The following METTL15 variants were observed in gnomAD, a reference collection of about 807,000 sequenced individuals.
METTL15 encodes 12S rRNA N(4)-cytidine methyltransferase METTL15.
METTL15 carries 34 observed loss-of-function variants against 38.3 expected under a neutral mutation model. The observed-to-expected ratio is 0.89, with a 90% CI of 0.68 to 1.18. METTL15 has a LOEUF of 1.18. METTL15 is among the 50% of genes most tolerant of loss of function. METTL15 has a pLI of 0.00. For synonymous variants in METTL15, 162 were observed against 170.9 expected, an observed-to-expected ratio of 0.95 and a Z score of 0.41; for missense variants, 438 against 498.4, an observed-to-expected ratio of 0.88 and a Z score of 1.15.
intron 5 of METTL15, among the ~76,000 whole-genome samples, chr11:28,382,518 G>T (rs577970578): frequency 9.2e-5 from 14 of 152,222 alleles, no homozygotes; most frequent in African/African-American, 3.4e-4. Context: ...CCAGCAGATT[G>T]AGGGGAGGGG....
intron 6 of METTL15, among the ~76,000 whole-genome samples, chr11:28,430,662 C>G (rs1275387394): frequency 2.8e-4 from 26 of 93,322 alleles, no homozygotes; most frequent in Admixed American, 5.7e-4. Context: ...CTCTGCCCGG[C>G]CACCCCTACT....
chr11:28,386,017 G>C (rs944798099), intron 5 of METTL15, among the ~76,000 whole-genome samples: 20 of 152,052 alleles, frequency 1.3e-4, no homozygotes, highest in Non-Finnish European at 2.5e-4. Context: ...TTTTGTATCT[G>C]ATTGAAGTTG....
intron 3 of METTL15, among the ~76,000 whole-genome samples, chr11:28,151,034 A>T (rs886180746): frequency 4.0e-5 from 6 of 151,344 alleles, no homozygotes; most frequent in Non-Finnish European, 7.4e-5. Flanking sequence ...AAGAAAAGGA[A>T]AAAAAGGTAA....
intron 6 of METTL15, among the ~76,000 whole-genome samples, chr11:28,491,685 A>G (rs921686608): frequency 5.3e-5 from 8 of 152,170 alleles, no homozygotes; most frequent in Admixed American, 2.0e-4. Flanking sequence ...AGTGAGACAT[A>G]GCCAGAAAAC....
At chr11:28,205,106 T>TAA (rs1852269985) in intron 3 of METTL15, among the ~76,000 whole-genome samples, 2 of 151,876 alleles carry the variant, frequency 1.3e-5, no homozygotes, top group Middle Eastern at 3.2e-3. Flanking sequence ...TATTTTTATT[T>TAA]AATTTTTATT....
intron 6 of METTL15, among the ~76,000 whole-genome samples, chr11:28,466,256 C>T (rs949144852): frequency 6.6e-6 from 1 of 152,064 alleles, no homozygotes; most frequent in Non-Finnish European, 1.5e-5. Flanking sequence ...GATAGATTGA[C>T]GAACGGCCAA....
At chr11:28,225,494 C>T (rs1282663600) in intron 4 of METTL15, among the ~76,000 whole-genome samples, 2 of 151,178 alleles carry the variant, frequency 1.3e-5, no homozygotes, top group Non-Finnish European at 3.0e-5. Context: ...AGATATCACT[C>T]ATTTTCTTCT....
chr11:28,143,544 TTGCTC>T (rs1172311435), intron 3 of METTL15, among the ~76,000 whole-genome samples: 1 of 152,168 alleles, frequency 6.6e-6, no homozygotes, highest in African/African-American at 2.4e-5. Context: ...CTTTTGTACT[TTGCTC>T]TGTACTATTT....
intron 6 of METTL15, among the ~76,000 whole-genome samples, chr11:28,480,019 A>T (rs532778625): frequency 1.3e-5 from 2 of 152,322 alleles, no homozygotes; most frequent in Middle Eastern, 3.4e-3. Flanking sequence ...TTAACTATTA[A>T]GATGAAAGTG....
At chr11:28,325,473 C>T (rs1292961749) in intron 6 of METTL15, among the ~76,000 whole-genome samples, 1 of 152,182 alleles carries the variant, frequency 6.6e-6, no homozygotes, top group African/African-American at 2.4e-5. Flanking sequence ...ACAGGCTTGG[C>T]ACACAGGCCG....
At chr11:28,397,031 T>C (rs1335662981) in intron 5 of METTL15, among the ~76,000 whole-genome samples, 1 of 152,174 alleles carries the variant, frequency 6.6e-6, no homozygotes, top group Non-Finnish European at 1.5e-5. Flanking sequence ...GAAAACTGGC[T>C]AGCCATATGT....
chr11:28,498,035 CAG>C (rs1851550245), intron 6 of METTL15, among the ~76,000 whole-genome samples: 1 of 121,478 alleles, frequency 8.2e-6, no homozygotes, highest in East Asian at 2.5e-4. Context: ...GCCTGAACAA[CAG>C]AGAGAGACTG....
chr11:28,157,277 T>A (rs1850295230), intron 3 of METTL15, among the ~76,000 whole-genome samples: 1 of 152,184 alleles, frequency 6.6e-6, no homozygotes, highest in Non-Finnish European at 1.5e-5. Flanking sequence ...TTGAGTGACC[T>A]GAAAGGCTGC....
intron 4 of METTL15, among the ~76,000 whole-genome samples, chr11:28,219,968 G>A (rs1033251253): frequency 6.6e-6 from 1 of 152,138 alleles, no homozygotes; most frequent in Non-Finnish European, 1.5e-5. Context: ...GCTGATGAGT[G>A]CTTTATTTCC....
At chr11:28,397,661 C>G (rs1590360839) in intron 5 of METTL15, among the ~76,000 whole-genome samples, 1 of 151,982 alleles carries the variant, frequency 6.6e-6, no homozygotes, top group Non-Finnish European at 1.5e-5. Flanking sequence ...CTAGTTCAAC[C>G]ATTGTGGAAG....
At chr11:28,354,168 T>G (rs1850069833) in intron 4 of METTL15, among the ~76,000 whole-genome samples, 1 of 151,928 alleles carries the variant, frequency 6.6e-6, no homozygotes, top group Non-Finnish European at 1.5e-5. Context: ...CTAGGAAAGG[T>G]CCCAGCAGAA....
chr11:28,511,715 C>T (rs755661981), intron 6 of METTL15, among the ~76,000 whole-genome samples: 27 of 152,106 alleles, frequency 1.8e-4, no homozygotes, highest in Admixed American at 9.2e-4. Flanking sequence ...CAGACCTTTG[C>T]GGTGAGTGTT....
rs186170173 is a variant in METTL15 at position 28,245,973 on chromosome 11, G to A, written c.407+34775G>A. 5.5e-4 allele frequency among the ~76,000 whole-genome samples: 84 copies of A among 152,174 alleles called. 1 individual carries two copies. The highest frequency in any genetic ancestry group is 1.1e-3 in the Non-Finnish European group (75 of 68,014). On this transcript the variant is annotated intron_variant, in intron 4 of 6. Transcript: ENST00000407364. ...GAATTACAATTTGACATGAGATTTGGGTGGGGACATAGAGCCAAACCAAAT... is the reference window on the plus strand; with the variant it reads ...GAATTACAATTTGACATGAGATTTGAGTGGGGACATAGAGCCAAACCAAAT...
At chr11:28,186,375 A>G (rs1303901156) in intron 3 of METTL15, among the ~76,000 whole-genome samples, 1 of 151,254 alleles carries the variant, frequency 6.6e-6, no homozygotes, top group Non-Finnish European at 1.5e-5. Flanking sequence ...AAATGATTTT[A>G]TGTCTTCAGA....
Sources: gnomAD v4.1 joint callset for allele counts (sites outside exome capture counted in the v4.1 genomes callset) on GRCh38, gnomAD v4.1.1 for gene constraint, MANE v1.5 for transcripts, NCBI Gene and HGNC (gene_info 2026-07-23, HGNC 2026-07-21) for gene names.